The following MKLN1 variants were observed in gnomAD, a reference collection of about 807,000 sequenced individuals.
MKLN1 encodes muskelin 1.
In MKLN1, 18 loss-of-function variants were observed where a neutral mutation model predicts 99.0. The ratio of observed to expected loss-of-function variants is 0.18; its 90% CI spans 0.13 to 0.27. The LOEUF is 0.27. Among genes scored for constraint, MKLN1 ranks in the 10% least tolerant of loss-of-function variants. The pLI is 1.00. For synonymous variants in MKLN1, 288 were observed against 293.2 expected, an observed-to-expected ratio of 0.98 and a Z score of 0.18; for missense variants, 621 against 875.9, an observed-to-expected ratio of 0.71 and a Z score of 3.67.
intron 3 of MKLN1, among the ~76,000 whole-genome samples, chr7:131,204,717 G>T (rs920583736): frequency 9.2e-5 from 14 of 152,134 alleles, no homozygotes; most frequent in Non-Finnish European, 7.4e-5. Flanking sequence ...TGTAATCCCA[G>T]CACTTTGGGA....
chr7:131,471,079 T>C, intron 16 of MKLN1, 135 bp downstream of exon 16: 1 of 604,064 alleles, frequency 1.7e-6, no homozygotes. Context: ...CTTTAAAATG[T>C]CACAGAGCAG....
At chr7:131,188,054 TA>T in intron 2 of MKLN1, among the ~76,000 whole-genome samples, 1 of 152,280 alleles carries the variant, frequency 6.6e-6, no homozygotes, top group Middle Eastern at 3.4e-3. Context: ...TAAAACAAGG[TA>T]TTGGGTTGGT....
At chr7:131,463,062 C>T (rs774092014) in intron 12 of MKLN1, among the ~76,000 whole-genome samples, 155 bp from the exon 13 acceptor site, 2 of 152,164 alleles carry the variant, frequency 1.3e-5, no homozygotes, top group East Asian at 3.9e-4. Flanking sequence ...TTCTAGGCTG[C>T]AGTGAGTCAT....
chr7:131,123,006 C>G (rs1342826757), intron 1 of MKLN1, among the ~76,000 whole-genome samples: 1 of 110,234 alleles, frequency 9.1e-6, no homozygotes, highest in Non-Finnish European at 1.7e-5. Flanking sequence ...CTGGGCGAAA[C>G]AGCGAGACTC....
At chr7:131,319,410 C>T (rs971083517) in intron 3 of MKLN1, among the ~76,000 whole-genome samples, 1 of 152,172 alleles carries the variant, frequency 6.6e-6, no homozygotes, top group African/African-American at 2.4e-5. Context: ...ATGTTAAAAA[C>T]TCTCAATAAA....
intron 1 of MKLN1, among the ~76,000 whole-genome samples, chr7:131,363,096 A>G (rs760419971): frequency 2.0e-5 from 3 of 151,880 alleles, no homozygotes; most frequent in Non-Finnish European, 4.4e-5. Context: ...TTTATTTTCT[A>G]TTGTTTAAAC....
intron 1 of MKLN1, among the ~76,000 whole-genome samples, chr7:131,138,083 G>A (rs112749153): frequency 0.059 from 9,006 of 151,884 alleles, 510 homozygotes; most frequent in African/African-American, 0.15. Flanking sequence ...GTGCCACCAC[G>A]CCCAGCTAAT....
At chr7:131,261,584 G>A (rs888367797) in intron 3 of MKLN1, among the ~76,000 whole-genome samples, 6 of 152,188 alleles carry the variant, frequency 3.9e-5, no homozygotes, top group Admixed American at 6.5e-5. Flanking sequence ...AAGCAGTGTG[G>A]TGATTTCTCA....
At chr7:131,231,221 G>T (rs1201501126) in intron 3 of MKLN1, among the ~76,000 whole-genome samples, 1 of 124,442 alleles carries the variant, frequency 8.0e-6, no homozygotes, top group Non-Finnish European at 1.8e-5. Context: ...CGGTACAGAG[G>T]AGGGACAGTT....
At chr7:131,456,284 T>G (rs979742961) in intron 12 of MKLN1, among the ~76,000 whole-genome samples, 2 of 152,110 alleles carry the variant, frequency 1.3e-5, no homozygotes, top group Admixed American at 1.3e-4. Flanking sequence ...ACATGATCAA[T>G]AAAGCAAAAC....
At chr7:131,476,798 G>A (rs1197749099) in intron 16 of MKLN1, among the ~76,000 whole-genome samples, 1 of 152,008 alleles carries the variant, frequency 6.6e-6, no homozygotes, top group Non-Finnish European at 1.5e-5. Context: ...TTTGAAAAAA[G>A]AAAAAATTGG....
intron 2 of MKLN1, among the ~76,000 whole-genome samples, chr7:131,156,963 A>G (rs1795978322): frequency 6.6e-6 from 1 of 152,178 alleles, no homozygotes; most frequent in Non-Finnish European, 1.5e-5. Flanking sequence ...CTAGGCAGTC[A>G]CAGACACAGT....
At chr7:131,291,565 T>A (rs900452033) in intron 3 of MKLN1, among the ~76,000 whole-genome samples, 5 of 125,918 alleles carry the variant, frequency 4.0e-5, no homozygotes, top group African/African-American at 1.5e-4. Flanking sequence ...TAACACAGAA[T>A]ACAGCTTTCA....
At chr7:131,197,399 A>G (rs1056794452) in intron 2 of MKLN1, among the ~76,000 whole-genome samples, 1 of 144,492 alleles carries the variant, frequency 6.9e-6, no homozygotes, top group Non-Finnish European at 1.5e-5. Context: ...TATTATTATT[A>G]TTATTATTAT....
intron 1 of MKLN1, among the ~76,000 whole-genome samples, chr7:131,355,585 T>C (rs1197755800): frequency 6.6e-6 from 1 of 150,774 alleles, no homozygotes; most frequent in Non-Finnish European, 1.5e-5. Context: ...TCTAACTGCT[T>C]TTCGCTTTTA....
intron 1 of MKLN1, among the ~76,000 whole-genome samples, chr7:131,355,627 A>ATTATATATATATATAT (rs1799849618): frequency 1.2e-5 from 1 of 83,156 alleles, no homozygotes; most frequent in African/African-American, 5.3e-5. Context: ...TTAACTTGAT[A>ATTATATATATATATAT]CTATATATAT....
rs1416388104 is a variant in MKLN1 at position 131,488,446 on chromosome 7, A to G, written c.*718A>G. 1 of 152,582 alleles carries G rather than the reference A, an allele frequency of 6.6e-6. No homozygotes were observed. The highest frequency in any genetic ancestry group is 2.4e-5 in the African/African-American group (1 of 41,450). The allele number at this position is 152,582 out of a possible 1,614,324, so 9.5% of individuals were successfully genotyped here. Reference sequence around the variant, plus strand: ...TTTCTATAATGATATATTTTATAGTAGATATTACAATAGCATCTGACTTTG... The same window carrying G: ...TTTCTATAATGATATATTTTATAGTGGATATTACAATAGCATCTGACTTTG... On this transcript the variant is annotated 3_prime_UTR_variant, in exon 18 of 18. Transcript: ENST00000352689.
intron 3 of MKLN1, among the ~76,000 whole-genome samples, chr7:131,302,651 C>T (rs561150253): frequency 3.9e-5 from 6 of 152,286 alleles, no homozygotes; most frequent in Admixed American, 1.3e-4. Flanking sequence ...GATTCCTGCC[C>T]GCCTTCTATG....
intron 3 of MKLN1, among the ~76,000 whole-genome samples, chr7:131,245,168 G>C (rs528666581): frequency 6.6e-6 from 1 of 151,960 alleles, no homozygotes; most frequent in South Asian, 2.1e-4. Context: ...TTACTTAAAG[G>C]CCTTTGTAAA....
Sources: gnomAD v4.1 joint callset for allele counts (sites outside exome capture counted in the v4.1 genomes callset) on GRCh38, gnomAD v4.1.1 for gene constraint, MANE v1.5 for transcripts, NCBI Gene and HGNC (gene_info 2026-07-23, HGNC 2026-07-21) for gene names.